The following CDH17 variants were observed in gnomAD, a reference collection of about 807,000 sequenced individuals.
The protein encoded by CDH17 is cadherin-17.
CDH17 carries 67 observed loss-of-function variants against 86.3 expected under a neutral mutation model. The ratio of observed to expected loss-of-function variants is 0.78; its 90% CI spans 0.64 to 0.95. The LOEUF is 0.95. CDH17 is among the 40% of genes least tolerant of loss of function. The pLI is 0.00. For synonymous variants in CDH17, 367 were observed against 366.4 expected (o/e 1.00, Z -0.02); for missense variants, 993 against 1,017.6 (o/e 0.98, Z 0.33).
At chr8:94,152,817 G>A (rs754135428) in intron 12 of CDH17, among the ~76,000 whole-genome samples, 3 of 152,038 alleles carry the variant, frequency 2.0e-5, no homozygotes, top group East Asian at 1.9e-4. Context: ...ACCATCTCAC[G>A]AGATAGAGGA....
Position 94,128,191 on chromosome 8 carries a change from G to T in CDH17, c.*49C>A. 1.7e-6 allele frequency: 2 copies of T among 1,150,712 alleles called. No homozygotes were observed. The highest frequency in any genetic ancestry group is 1.3e-6 in the Non-Finnish European group (1 of 761,634). 71.3% of individuals were successfully genotyped at this position (1,150,712 alleles called of 1,614,324 possible). A position where few individuals can be genotyped will look rare whatever the true frequency, so the allele number is the denominator to read the frequency against. ...TGAAAAGTAATAGGATGAGATGGTT[G>T]TTGCTGAAATAGCACTTGCTATATA... is the stretch of plus-strand genomic sequence containing the variant. On this transcript the variant is annotated 3_prime_UTR_variant, in exon 18 of 18. Coordinates refer to ENST00000027335, the MANE Select transcript of CDH17 (RefSeq NM_004063.4).
At position 94,162,112 on chromosome 8, in the gene CDH17, G is replaced by T; in HGVS notation, c.1333C>A (p.Gln445Lys). The T allele has an allele frequency of 6.2e-7, 1 of 1,604,452 alleles. No homozygotes were observed. The highest frequency in any genetic ancestry group is 8.5e-7 in the Non-Finnish European group (1 of 1,171,338). ...VQINVIDIND[Q>K]IPIFEKSDYG... Reference sequence around the variant, plus strand: ...TCTGATTTTTCAAAGATGGGGATCTGATCATTGATATCAATAACGTTGATT... The same window carrying T: ...TCTGATTTTTCAAAGATGGGGATCTTATCATTGATATCAATAACGTTGATT... Residue 445 changes from glutamine (Q) to lysine (K), a missense_variant, in exon 11 of 18, where the codon CAG becomes AAG. Coordinates refer to ENST00000027335, the MANE Select transcript of CDH17 (RefSeq NM_004063.4).
At chr8:94,192,470 T>C (rs534791902) in intron 2 of CDH17, among the ~76,000 whole-genome samples, 4 of 152,298 alleles carry the variant, frequency 2.6e-5, no homozygotes, top group African/African-American at 9.6e-5. Flanking sequence ...TGACCAATGC[T>C]ATGAAGAAAG....
At chr8:94,184,011 C>T (rs548608532) in intron 3 of CDH17, among the ~76,000 whole-genome samples, 18 of 150,922 alleles carry the variant, frequency 1.2e-4, no homozygotes, top group African/African-American at 4.4e-4. Context: ...AAAGAAATAC[C>T]ACTTCACAAC....
upstream of CDH17, among the ~76,000 whole-genome samples, chr8:94,210,786 T>G (rs1798998580): frequency 6.6e-6 from 1 of 152,092 alleles, no homozygotes; most frequent in South Asian, 2.1e-4. Flanking sequence ...TTTGGGAGGC[T>G]GAGGCAGGCA....
At chr8:94,130,426 A>T (rs1181899337) in intron 17 of CDH17, among the ~76,000 whole-genome samples, 200 bp downstream of exon 17, 3 of 152,240 alleles carry the variant, frequency 2.0e-5, no homozygotes, top group African/African-American at 7.2e-5. Flanking sequence ...CTAATAAGGC[A>T]ATAGAGACAG....
At position 94,162,143 on chromosome 8, in the gene CDH17, A is replaced by G. The variant is rs1014676262; in HGVS notation, c.1302T>C (p.Phe434=). 2 of 1,608,414 alleles carry G rather than the reference A, an allele frequency of 1.2e-6. No homozygotes were observed. The highest frequency in any genetic ancestry group is 8.5e-7 in the Non-Finnish European group (1 of 1,175,070). Residue 434 remains phenylalanine, a synonymous_variant, in exon 11 of 18, where the codon TTT becomes TTC. Coordinates refer to ENST00000027335, the MANE Select transcript of CDH17 (RefSeq NM_004063.4). Reference sequence around the variant, plus strand: ...TGATATCAATAACGTTGATTTGCACAAAACAAAGGGTCTTGAAATCTGAAA... The same window carrying G: ...TGATATCAATAACGTTGATTTGCACGAAACAAAGGGTCTTGAAATCTGAAA... ...VSDKDFKTLC[F]VQINVIDIND... is the part of the protein sequence containing the mutation.
chr8:94,170,697 A>G (rs1813252166), intron 8 of CDH17, 150 bp from the exon 9 acceptor site: 21 of 1,332,574 alleles, frequency 1.6e-5, no homozygotes, highest in Non-Finnish European at 2.1e-5. Context: ...ATGGGTCAGA[A>G]TTATGTGAAA....
upstream of CDH17, among the ~76,000 whole-genome samples, chr8:94,210,599 CTCATTTT>C (rs1245647709): frequency 6.6e-6 from 1 of 152,164 alleles, no homozygotes; most frequent in Non-Finnish European, 1.5e-5. Context: ...ATTTTAGGAA[CTCATTTT>C]CATGAAAAGT....
chr8:94,209,993 T>C (rs372322826), upstream of CDH17, among the ~76,000 whole-genome samples: 61 of 152,090 alleles, frequency 4.0e-4, no homozygotes, highest in African/African-American at 1.4e-3. Flanking sequence ...ATAACAATGA[T>C]CGTGACATGT....
intron 3 of CDH17, among the ~76,000 whole-genome samples, chr8:94,186,337 T>C (rs1813580114): frequency 6.6e-6 from 1 of 152,192 alleles, no homozygotes; most frequent in South Asian, 2.1e-4. Context: ...TTCTGTTCCC[T>C]CATCCCCTGT....
At chr8:94,162,007 G>C (rs1433002407) in intron 11 of CDH17, 79 bp downstream of exon 11, 2 of 911,480 alleles carry the variant, frequency 2.2e-6, no homozygotes, top group Non-Finnish European at 1.8e-6. Flanking sequence ...CCTAGCTACT[G>C]TCTGTGTCTC....
In CDH17 at chr8:94,146,043, TC is replaced by T. The variant is rs756560916; in HGVS notation, c.2051del (p.Gly684GlufsTer60). ...CATCAGTAGCCTCGAAAATGAGACTTCCAGGTGCACTGAGGGGATGGCAGAA... is the reference window on the plus strand; with the variant it reads ...CATCAGTAGCCTCGAAAATGAGACTTCAGGTGCACTGAGGGGATGGCAGAA... ...LFFCHPLSAP[G>X]SLIFEATDDD... On this transcript the variant is annotated frameshift_variant, in exon 15 of 18. Transcript: ENST00000027335. LOFTEE classifies it high-confidence loss of function. 4.3e-6 allele frequency: 7 copies of T among 1,613,750 alleles called. No individual in the cohort carries two copies. The Admixed American group carries it at 1.2e-4, about 27-fold the overall frequency.
chr8:94,207,542 C>T (rs1026485809), intron 1 of CDH17, among the ~76,000 whole-genome samples: 1 of 152,216 alleles, frequency 6.6e-6, no homozygotes, highest in Non-Finnish European at 1.5e-5. Context: ...GTAAAGGACT[C>T]GCTTTGTTTC....
intron 2 of CDH17, 34 bp downstream of exon 2, chr8:94,194,601 T>C (rs776074876): frequency 1.4e-6 from 2 of 1,439,328 alleles, no homozygotes; most frequent in African/African-American, 1.4e-5. Context: ...AATATTCTAG[T>C]AAACAAATAG....
intron 12 of CDH17, among the ~76,000 whole-genome samples, chr8:94,159,226 G>A (rs1563573540): frequency 6.6e-6 from 1 of 152,052 alleles, no homozygotes; most frequent in Non-Finnish European, 1.5e-5. Context: ...GGGAGGGTTG[G>A]GAGAATCCTG....
chr8:94,144,084 G>A (rs763142480), intron 15 of CDH17, among the ~76,000 whole-genome samples: 7 of 152,156 alleles, frequency 4.6e-5, no homozygotes, highest in African/African-American at 9.7e-5. Flanking sequence ...TAAAGTGAGA[G>A]ATGTGTGACT....
chr8:94,203,025 C>A (rs1193953160), intron 1 of CDH17: 2 of 228,714 alleles, frequency 8.7e-6, no homozygotes, highest in Non-Finnish European at 1.7e-5. Context: ...TCCTTAGTAT[C>A]CGGCTTCTCA....
chr8:94,159,732 A>T (rs1009398156), intron 12 of CDH17, among the ~76,000 whole-genome samples: 11 of 152,180 alleles, frequency 7.2e-5, no homozygotes, highest in Non-Finnish European at 8.8e-5. Flanking sequence ...ATTTTATATG[A>T]CGTTACCTCC....
Sources: allele counts gnomAD v4.1 joint callset (sites outside exome capture counted in the v4.1 genomes callset), GRCh38; gene constraint gnomAD v4.1.1; transcripts MANE v1.5; gene names NCBI Gene and HGNC (gene_info 2026-07-23, HGNC 2026-07-21).